Variants in SAMD3 observed in about 807,000 individuals in gnomAD.
The protein encoded by SAMD3 is sterile alpha motif domain-containing protein 3.
SAMD3 carries 63 observed loss-of-function variants against 58.5 expected under a neutral mutation model. The ratio of observed to expected loss-of-function variants is 1.08; its 90% CI spans 0.88 to 1.33. The LOEUF (loss-of-function observed/expected upper bound fraction) is 1.33. SAMD3 is among the 40% of genes most tolerant of loss of function. The pLI, the probability that SAMD3 is intolerant of heterozygous loss-of-function variation, is 0.00. For synonymous variants in SAMD3, 220 were observed against 210.3 expected (o/e 1.05, Z -0.40); for missense variants, 604 against 608.4 (o/e 0.99, Z 0.08).
At chr6:130,187,815 G>A (rs1003143185) in intron 5 of SAMD3, among the ~76,000 whole-genome samples, 3 of 152,138 alleles carry the variant, frequency 2.0e-5, no homozygotes, top group Non-Finnish European at 4.4e-5. Flanking sequence ...TCCCACCTCA[G>A]AACCAGGCTC....
chr6:130,333,922 GCCAGACT>G (rs1184154608), intron 1 of SAMD3, among the ~76,000 whole-genome samples: 1 of 152,156 alleles, frequency 6.6e-6, no homozygotes, highest in Non-Finnish European at 1.5e-5. Flanking sequence ...TCAGAGGATA[GCCAGACT>G]CCTCAGTGGG....
At chr6:130,158,225 C>T (rs1789968975) in intron 8 of SAMD3, among the ~76,000 whole-genome samples, 1 of 152,104 alleles carries the variant, frequency 6.6e-6, no homozygotes, top group African/African-American at 2.4e-5. Context: ...GATTCTAAAA[C>T]TCATTTGAAA....
chr6:130,265,714 G>A (rs1481568767), intron 2 of SAMD3, among the ~76,000 whole-genome samples: 1 of 152,034 alleles, frequency 6.6e-6, no homozygotes, highest in Non-Finnish European at 1.5e-5. Flanking sequence ...ATAAGATTAA[G>A]AACTGAAGAC....
intron 1 of SAMD3, among the ~76,000 whole-genome samples, chr6:130,333,990 C>A (rs1777025197): frequency 6.6e-6 from 1 of 152,226 alleles, no homozygotes; most frequent in African/African-American, 2.4e-5. Context: ...GGTTCCTGCA[C>A]AGAAAATACC....
intron 5 of SAMD3, among the ~76,000 whole-genome samples, chr6:130,207,633 A>C (rs575732212): frequency 6.6e-6 from 1 of 152,210 alleles, no homozygotes; most frequent in Non-Finnish European, 1.5e-5. Flanking sequence ...ACCAGCACCC[A>C]TGAGTGGGAA....
At chr6:130,310,630 A>G (rs1776117424) in intron 2 of SAMD3, among the ~76,000 whole-genome samples, 1 of 152,232 alleles carries the variant, frequency 6.6e-6, no homozygotes, top group South Asian at 2.1e-4. Flanking sequence ...TTTCCAAGCA[A>G]TAAATAATGT....
At chr6:130,344,135 A>G (rs1006143300) in intron 1 of SAMD3, among the ~76,000 whole-genome samples, 1 of 152,196 alleles carries the variant, frequency 6.6e-6, no homozygotes, top group Non-Finnish European at 1.5e-5. Context: ...TTATAGAGTA[A>G]CAAACGTTCA....
In SAMD3 at chr6:130,216,585, A is replaced by G. The variant is rs554454898; in HGVS notation, c.-36T>C. The G allele has an allele frequency of 2.6e-5, 4 of 152,294 alleles. No individual in the cohort carries two copies. Among genetic ancestry groups the G allele is most frequent in the African/African-American group, 9.6e-5 (4 of 41,526 alleles). 9.4% of individuals were successfully genotyped at this position (152,294 alleles called of 1,614,324 possible). A position where few individuals can be genotyped will look rare whatever the true frequency, so the allele number is the denominator to read the frequency against. On this transcript the variant is annotated 5_prime_UTR_variant, in exon 2 of 12. Transcript: ENST00000439090. ...AACATGTTTACCTTGCATATGTGAC[A>G]AGCTGGAAAGATAGTCTTCAAGAAT...
intron 1 of SAMD3, among the ~76,000 whole-genome samples, chr6:130,318,743 T>G (rs1158430257): frequency 6.6e-6 from 1 of 152,166 alleles, no homozygotes; most frequent in Non-Finnish European, 1.5e-5. Context: ...TAATAAAATA[T>G]TAATAGGCAT....
intron 2 of SAMD3, among the ~76,000 whole-genome samples, chr6:130,275,616 C>T (rs1479298768): frequency 6.6e-6 from 1 of 151,932 alleles, no homozygotes; most frequent in Non-Finnish European, 1.5e-5. Flanking sequence ...ACCAATACCT[C>T]CCTCAACTAA....
At chr6:130,298,550 A>G (rs907944998) in intron 2 of SAMD3, among the ~76,000 whole-genome samples, 41 of 152,338 alleles carry the variant, frequency 2.7e-4, no homozygotes, top group Non-Finnish European at 5.3e-4. Flanking sequence ...ACATAACGAA[A>G]GCAGTATTAA....
chr6:130,289,562 C>G (rs577737602), intron 2 of SAMD3, among the ~76,000 whole-genome samples: 12 of 152,280 alleles, frequency 7.9e-5, no homozygotes, highest in Middle Eastern at 6.8e-3. Context: ...TGCAGTGGCA[C>G]GATCTCGGCT....
chr6:130,289,023 C>T (rs1336124416), intron 2 of SAMD3, among the ~76,000 whole-genome samples: 2 of 152,216 alleles, frequency 1.3e-5, no homozygotes, highest in Non-Finnish European at 2.9e-5. Flanking sequence ...TGAGTGTTAA[C>T]TGTGGTAACA....
chr6:130,197,930 G>A (rs191841701), intron 5 of SAMD3, among the ~76,000 whole-genome samples: 2,943 of 152,138 alleles, frequency 0.019, 97 homozygotes, highest in African/African-American at 0.066. Context: ...CAAAAGAAGT[G>A]AAAATGGCCT....
intron 2 of SAMD3, among the ~76,000 whole-genome samples, chr6:130,272,116 T>C (rs1372106855): frequency 6.6e-6 from 1 of 152,236 alleles, no homozygotes; most frequent in Non-Finnish European, 1.5e-5. Context: ...AATACTCTTA[T>C]ATTGTTACGT....
chr6:130,316,307 A>G (rs1776369293), intron 1 of SAMD3, among the ~76,000 whole-genome samples: 1 of 151,172 alleles, frequency 6.6e-6, no homozygotes, highest in South Asian at 2.1e-4. Context: ...AAAAAAAAAA[A>G]AAAAGAATGG....
intron 2 of SAMD3, among the ~76,000 whole-genome samples, chr6:130,257,793 G>A (rs1253291276): frequency 6.6e-6 from 1 of 152,050 alleles, no homozygotes; most frequent in African/African-American, 2.4e-5. Context: ...AATAAGATGA[G>A]GTTATAGAAC....
chr6:130,186,500 C>G (rs1792971293), intron 5 of SAMD3, among the ~76,000 whole-genome samples: 1 of 152,168 alleles, frequency 6.6e-6, no homozygotes, highest in South Asian at 2.1e-4. Flanking sequence ...TGACCCAATA[C>G]CACAACAGGA....
intron 5 of SAMD3, 132 bp from the exon 6 acceptor site, chr6:130,184,755 TC>T (rs1792777309): frequency 1.5e-6 from 1 of 652,532 alleles, no homozygotes. Flanking sequence ...CATCAAGCCA[TC>T]TTCCATCCAT....
Sources: gnomAD v4.1 joint callset for allele counts (sites outside exome capture counted in the v4.1 genomes callset) on GRCh38, gnomAD v4.1.1 for gene constraint, MANE v1.5 for transcripts, NCBI Gene and HGNC (gene_info 2026-07-23, HGNC 2026-07-21) for gene names.